Variants in ATP1A3 observed in about 807,000 individuals in gnomAD.
The protein encoded by ATP1A3 is sodium/potassium-transporting ATPase subunit alpha-3.
ATP1A3 carries 12 observed loss-of-function variants against 108.8 expected under a neutral mutation model. That is an observed-to-expected ratio of 0.11 (90% CI 0.07 to 0.18). ATP1A3 has a LOEUF of 0.18. Ranked by LOEUF, ATP1A3 falls within the 10% of genes least tolerant of loss-of-function variation. ATP1A3 has a pLI of 1.00. For missense variants in ATP1A3, 498 were observed against 1,387.7 expected (o/e 0.36, Z 10.19); for synonymous variants, 539 against 564.5 (o/e 0.95, Z 0.64).
chr19:41,991,594 G>A (rs2075339143), intron 1 of ATP1A3, among the ~76,000 whole-genome samples: 1 of 152,196 alleles, frequency 6.6e-6, no homozygotes, highest in Non-Finnish European at 1.5e-5. Flanking sequence ...GGAGAGGGGT[G>A]AGATGGGGGT....
At chr19:41,966,991 G>A (rs1555858743) in intron 22 of ATP1A3, 26 bp from the exon 23 acceptor site, 1 of 1,551,646 alleles carries the variant, frequency 6.4e-7, no homozygotes, top group East Asian at 2.4e-5. Context: ...AGGAAAGAAA[G>A]AGACAGAGTA....
chr19:41,970,090 G>A (rs1037404633), intron 18 of ATP1A3, 95 bp downstream of exon 18: 1 of 1,604,060 alleles, frequency 6.2e-7, no homozygotes, highest in Non-Finnish European at 8.5e-7. Context: ...CTGCTCCCCT[G>A]AGTCAATGCC....
At position 41,967,271 on chromosome 19, in the gene ATP1A3, G is replaced by T; in HGVS notation, c.2991C>A (p.Leu997=). ...LIFVYDEIRK[L]ILRRNPGGWV... ...CACCCCCTGGGTTCCTGCGCAGGATGAGTTTGCGGATTTCGTCGTAGACGA... is the reference window on the plus strand; with the variant it reads ...CACCCCCTGGGTTCCTGCGCAGGATTAGTTTGCGGATTTCGTCGTAGACGA... The change falls in exon 22 of 23, where the codon CTC becomes CTA. Residue 997 remains leucine, a synonymous_variant. Coordinates refer to ENST00000648268, the MANE Select transcript of ATP1A3 (RefSeq NM_152296.5). This position sits in a 1 kb window ranked among gnomAD's most constrained non-coding sequence, Gnocchi z 4.2. 6.2e-7 allele frequency: 1 copy of T among 1,613,974 alleles called. No individual in the cohort carries two copies. The highest frequency in any genetic ancestry group is 1.1e-5 in the South Asian group (1 of 91,084).
rs782308142 is a variant in ATP1A3, at chr19:41,967,195, C to G, written c.3013+54G>C. ...GGCGAGGGGAGCCTGGGACCAGCTG[C>G]CTGAGACCCTGCTGCCCCCCGCCCC... On this transcript the variant is annotated intron_variant, in intron 22 of 22. Transcript: ENST00000648268. This position sits in a 1 kb window ranked among gnomAD's most constrained non-coding sequence, Gnocchi z 4.2. 1 of 1,612,494 alleles carries G rather than the reference C, an allele frequency of 6.2e-7. No homozygotes were observed. The highest frequency in any genetic ancestry group is 1.3e-5 in the African/African-American group (1 of 74,986).
Position 41,966,845 on chromosome 19 carries a change from C to T in ATP1A3, c.*92G>A, listed in dbSNP as rs1555858640. 1 of 1,547,678 alleles carries T rather than the reference C, an allele frequency of 6.5e-7. No individual in the cohort carries two copies. The highest frequency in any genetic ancestry group is 1.2e-5 in the South Asian group (1 of 83,926). ...GGTGGGGCCACAGGAAGAGAGGGCT[C>T]CTCCCCCCAGAATACAAAATTGGGG... is the stretch of plus-strand genomic sequence containing the variant. On this transcript the variant is annotated 3_prime_UTR_variant, in exon 23 of 23. Transcript: ENST00000648268.
In ATP1A3 at chr19:41,968,659, G is replaced by T; in HGVS notation, c.2819+126C>A. ...CCACTGAACTCCAGTCTGGGTGACA[G>T]AGTGAGACCCTGCCTCAACAAAACA... On this transcript the variant is annotated intron_variant, in intron 20 of 22. Transcript: ENST00000648268. This position sits in a 1 kb window ranked among gnomAD's most constrained non-coding sequence, Gnocchi z 5.0. The T allele has an allele frequency of 6.9e-7, 1 of 1,455,742 alleles. No individual in the cohort carries two copies. Among genetic ancestry groups the T allele is most frequent in the Non-Finnish European group, 9.4e-7 (1 of 1,069,118 alleles). The allele number at this position is 1,455,742 out of a possible 1,614,324, so 90.2% of individuals were successfully genotyped here. A position where few individuals can be genotyped will look rare whatever the true frequency, so the allele number is the denominator to read the frequency against.
chr19:41,967,616 T>G lies in ATP1A3; in HGVS notation c.2921+46A>C. ...AGGCTGAGTCTAAGGGAAGGCTCCA[T>G]GGCAGGCGCTGGTGTGGGCAGGGCT... On this transcript the variant is annotated intron_variant, in intron 21 of 22. Transcript: ENST00000648268. This position sits in a 1 kb window ranked among gnomAD's most constrained non-coding sequence, Gnocchi z 4.2. 1 of 1,591,502 alleles carries G rather than the reference T, an allele frequency of 6.3e-7. No homozygotes were observed. The highest frequency in any genetic ancestry group is 8.6e-7 in the Non-Finnish European group (1 of 1,163,280).
At chr19:41,969,976 C>A (rs1278855918) in intron 18 of ATP1A3, among the ~76,000 whole-genome samples, 2 of 151,866 alleles carry the variant, frequency 1.3e-5, no homozygotes, top group African/African-American at 4.8e-5. Flanking sequence ...GGCTGCTCCA[C>A]TCCTCTGGGG....
Position 41,966,764 on chromosome 19 carries a change from G to A in ATP1A3, c.*173C>T, listed in dbSNP as rs1324732001. 7.2e-6 allele frequency: 11 copies of A among 1,517,722 alleles called. No homozygotes were observed. The East Asian group carries it at 2.7e-4, about 38-fold the overall frequency. 94.0% of individuals were successfully genotyped at this position (1,517,722 alleles called of 1,614,324 possible). On this transcript the variant is annotated 3_prime_UTR_variant, in exon 23 of 23. Coordinates refer to ENST00000648268, the MANE Select transcript of ATP1A3 (RefSeq NM_152296.5). ...GAGAGGAGAGAGGTTTGGGGCAGGG[G>A]AGAGAAGCCAGCCAGAGTGGGGGCG...
At position 41,988,848 on chromosome 19, in the gene ATP1A3, G is replaced by A. The variant is rs575993906; in HGVS notation, c.7-286C>T. Among the ~76,000 whole-genome samples, 3 of 152,202 alleles carry A rather than the reference G, an allele frequency of 2.0e-5. No individual in the cohort carries two copies. Among genetic ancestry groups the A allele is most frequent in the African/African-American group, 7.2e-5 (3 of 41,532 alleles). On this transcript the variant is annotated intron_variant, in intron 1 of 22. Coordinates refer to ENST00000648268, the MANE Select transcript of ATP1A3 (RefSeq NM_152296.5). This position sits in a 1 kb window ranked among gnomAD's most constrained non-coding sequence, Gnocchi z 5.3. ...TGTGTGTCTCTGAGTCTCTGTCCCC[G>A]AAGGTCCCTGTCTGGCTTCTGCCTG...
At position 41,967,371 on chromosome 19, in the gene ATP1A3, G is replaced by A. The variant is rs1555858854; in HGVS notation, c.2922-31C>T. On this transcript the variant is annotated intron_variant, in intron 21 of 22. Coordinates refer to ENST00000648268, the MANE Select transcript of ATP1A3 (RefSeq NM_152296.5). The surrounding 1 kb of genome is among the most constrained non-coding windows in gnomAD (Gnocchi z 4.2). ...GAGGGGAGAGCAGGAGGGCTTGAGT[G>A]CGGGGCCCTAACGAGAGGCAGAGTT... 2.5e-6 allele frequency: 4 copies of A among 1,596,174 alleles called. No homozygotes were observed. The highest frequency in any genetic ancestry group is 1.1e-5 in the South Asian group (1 of 90,974).
At position 41,981,859 on chromosome 19, in the gene ATP1A3, G is replaced by A; in HGVS notation, c.1193-28C>T. 6.2e-7 allele frequency: 1 copy of A among 1,614,214 alleles called. No homozygotes were observed. Among genetic ancestry groups the A allele is most frequent in the Non-Finnish European group, 8.5e-7 (1 of 1,180,042 alleles). ...GGGGGAGGCATGTGTGAGGGCCAGGGACTCCTGGAGCCAGGCCCCCATGGT... is the reference window on the plus strand; with the variant it reads ...GGGGGAGGCATGTGTGAGGGCCAGGAACTCCTGGAGCCAGGCCCCCATGGT... On this transcript the variant is annotated intron_variant, in intron 9 of 22. Transcript: ENST00000648268. The surrounding 1 kb of genome is among the most constrained non-coding windows in gnomAD (Gnocchi z 5.0).
At chr19:41,969,003 C>T (rs956335725) in intron 19 of ATP1A3, 88 bp from the exon 20 acceptor site, 12 of 1,595,544 alleles carry the variant, frequency 7.5e-6, no homozygotes, top group East Asian at 4.5e-5. Context: ...CTCTTTGCCC[C>T]GCCCCATCCT....
At chr19:41,979,043 C>T (rs1355075566) in intron 11 of ATP1A3, among the ~76,000 whole-genome samples, 1 of 151,614 alleles carries the variant, frequency 6.6e-6, no homozygotes, top group Non-Finnish European at 1.5e-5. Context: ...CGCTCTGTTG[C>T]CCAGGCTGGA....
chr19:41,987,444 A>G (rs2075297236), intron 4 of ATP1A3, among the ~76,000 whole-genome samples: 1 of 151,186 alleles, frequency 6.6e-6, no homozygotes. Flanking sequence ...ATCTGCGTTG[A>G]CCCTCCGTGC....
intron 16 of ATP1A3, among the ~76,000 whole-genome samples, chr19:41,972,590 C>A (rs2075120984): frequency 6.6e-6 from 1 of 151,824 alleles, no homozygotes. Context: ...CATGGTGAAA[C>A]CCCATCTCTA....
In ATP1A3 at chr19:41,988,466, C is replaced by T. The variant is rs377023306; in HGVS notation, c.93+10G>A. 3.7e-6 allele frequency: 6 copies of T among 1,614,084 alleles called. No homozygotes were observed. Among genetic ancestry groups the T allele is most frequent in the African/African-American group, 1.3e-5 (1 of 74,922 alleles). On this transcript the variant is annotated intron_variant, in intron 2 of 22. Coordinates refer to ENST00000648268, the MANE Select transcript of ATP1A3 (RefSeq NM_152296.5). The surrounding 1 kb of genome is among the most constrained non-coding windows in gnomAD (Gnocchi z 5.3). ...TCTGGGAGGGTGTGCGGGCAGAGGG[C>T]GAGGCTTACCATAGCCACCTCCTTC... is the stretch of plus-strand genomic sequence containing the variant.
intron 1 of ATP1A3, among the ~76,000 whole-genome samples, chr19:41,991,679 C>T (rs1209656465): frequency 1.3e-5 from 2 of 152,052 alleles, no homozygotes; most frequent in East Asian, 3.9e-4. Context: ...ATGCTCGGGG[C>T]CCCATAAATG....
chr19:41,981,360 G>T lies in ATP1A3; in HGVS notation c.1437+142C>A. The T allele has an allele frequency of 1.5e-6, 2 of 1,355,920 alleles. No homozygotes were observed. Among genetic ancestry groups the T allele is most frequent in the Non-Finnish European group, 2.1e-6 (2 of 962,936 alleles). 84.0% of individuals were successfully genotyped at this position (1,355,920 alleles called of 1,614,324 possible). A position where few individuals can be genotyped will look rare whatever the true frequency, so the allele number is the denominator to read the frequency against. On this transcript the variant is annotated intron_variant, in intron 11 of 22. Transcript: ENST00000648268. The surrounding 1 kb of genome is among the most constrained non-coding windows in gnomAD (Gnocchi z 5.0). Reference sequence around the variant, plus strand: ...ACAGAGATCCGGCTCCCACTCTCAAGCTCTCCCTGTTCCTCTCCCCACCAG... The same window carrying T: ...ACAGAGATCCGGCTCCCACTCTCAATCTCTCCCTGTTCCTCTCCCCACCAG...
Sources: gnomAD v4.1 joint callset for allele counts (sites outside exome capture counted in the v4.1 genomes callset) on GRCh38, gnomAD v4.1.1 for gene constraint, Gnocchi (gnomAD v3.1) non-coding constraint, MANE v1.5 for transcripts, NCBI Gene and HGNC (gene_info 2026-07-23, HGNC 2026-07-21) for gene names.